Variants in WIPI2 observed in about 807,000 individuals in gnomAD.
WIPI2 encodes WD repeat domain, phosphoinositide interacting 2, also known as WD repeat domain phosphoinositide-interacting protein 2.
WIPI2 carries 28 observed loss-of-function variants against 52.3 expected under a neutral mutation model. The ratio of observed to expected loss-of-function variants is 0.54; its 90% CI spans 0.40 to 0.73. The LOEUF (loss-of-function observed/expected upper bound fraction) is 0.73. Among genes scored for constraint, WIPI2 ranks in the 30% least tolerant of loss-of-function variants. The probability of loss-of-function intolerance (pLI) is 0.00; values close to 1 mark genes in which losing one functional copy is unlikely to be tolerated. For synonymous variants in WIPI2, 268 were observed against 245.0 expected (o/e 1.09, Z -0.88); for missense variants, 506 against 602.9 (o/e 0.84, Z 1.68).
intron 3 of WIPI2, among the ~76,000 whole-genome samples, chr7:5,209,192 C>T (rs1181500355): frequency 2.0e-5 from 3 of 152,056 alleles, no homozygotes; most frequent in African/African-American, 7.2e-5. Context: ...TATGACTTTG[C>T]TAAATTCATA....
At chr7:5,204,407 C>T (rs1269496489) in intron 3 of WIPI2, among the ~76,000 whole-genome samples, 3 of 152,144 alleles carry the variant, frequency 2.0e-5, no homozygotes, top group Non-Finnish European at 2.9e-5. Context: ...TCAAAGGTTG[C>T]AGTGAGTCAA....
intron 2 of WIPI2, among the ~76,000 whole-genome samples, chr7:5,197,918 G>C (rs1034234718): frequency 6.6e-6 from 1 of 152,144 alleles, no homozygotes; most frequent in African/African-American, 2.4e-5. Flanking sequence ...AGCTGGACTT[G>C]CTTCTTGTTT....
rs1160814859 is a variant in WIPI2, at chr7:5,228,743, A to AT, written c.1121+536dup. ...AAGTTCTAACAACATATAATTTTTT[A>AT]TTTTAGAGATAGGGTCTCACCCTCG... On this transcript the variant is annotated intron_variant, in intron 11 of 12. Coordinates refer to ENST00000288828, the MANE Select transcript of WIPI2 (RefSeq NM_015610.4). 2.0e-5 allele frequency among the ~76,000 whole-genome samples: 3 copies of AT among 152,146 alleles called. No individual in the cohort carries two copies. The East Asian group carries it at 5.8e-4, about 29-fold the overall frequency.
intron 3 of WIPI2, among the ~76,000 whole-genome samples, chr7:5,202,587 T>C (rs1217562365): frequency 6.6e-6 from 1 of 152,040 alleles, no homozygotes; most frequent in Non-Finnish European, 1.5e-5. Context: ...GGTCTTACTA[T>C]GTTGCCCAGG....
intron 1 of WIPI2, among the ~76,000 whole-genome samples, chr7:5,191,806 A>T (rs910612379): frequency 6.6e-6 from 1 of 152,208 alleles, no homozygotes; most frequent in Admixed American, 6.5e-5. Context: ...TAGAATGGAC[A>T]ACACTCAGTG....
At chr7:5,209,878 A>C (rs746798609) in intron 3 of WIPI2, among the ~76,000 whole-genome samples, 1 of 151,376 alleles carries the variant, frequency 6.6e-6, no homozygotes, top group Admixed American at 6.6e-5. Flanking sequence ...CCATATTTCT[A>C]CTTCTCCAGA....
intron 3 of WIPI2, among the ~76,000 whole-genome samples, chr7:5,213,811 G>A (rs1191131803): frequency 1.3e-5 from 2 of 152,124 alleles, no homozygotes; most frequent in African/African-American, 4.8e-5. Flanking sequence ...TCAGGCTCCT[G>A]AGTAGCTGGG....
At chr7:5,222,911 A>C (rs2115302823) in intron 8 of WIPI2, 1 of 437,788 alleles carries the variant, frequency 2.3e-6, no homozygotes, top group South Asian at 2.2e-5. Context: ...AGTTGTGAAG[A>C]GCTCACGCAA....
Position 5,190,297 on chromosome 7 carries a change from C to T in WIPI2, c.-123C>T, listed in dbSNP as rs1218704811. On this transcript the variant is annotated 5_prime_UTR_variant, in exon 1 of 13. Transcript: ENST00000288828. The stretch of plus-strand genomic sequence containing the variant: ...GGACGGGATGAGGCGGCGGTTGATC[C>T]CAGGGTGGCGAGTGGCGGCGACCGA... 5 of 537,490 alleles carry T rather than the reference C, an allele frequency of 9.3e-6. No homozygotes were observed. Among genetic ancestry groups the T allele is most frequent in the African/African-American group, 8.1e-5 (4 of 49,490 alleles). The allele number at this position is 537,490 out of a possible 1,614,324, so 33.3% of individuals were successfully genotyped here.
In WIPI2 at chr7:5,193,141, C is replaced by T; in HGVS notation, c.98C>T (p.Ala33Val). The T allele has an allele frequency of 6.2e-7, 1 of 1,613,972 alleles. No homozygotes were observed. Among genetic ancestry groups the T allele is most frequent in the East Asian group, 2.2e-5 (1 of 44,880 alleles). Residue 33 changes from alanine (A) to valine (V), a missense_variant, in exon 2 of 13, where the codon GCA (alanine) becomes GTA (valine). Physicochemically the swap from Ala to Val is moderately conservative, Grantham distance 64. This residue lies in a region of WIPI2 where 60 missense variants were observed against 49.7 expected (regional missense o/e 1.21). Transcript: ENST00000288828. ...DNTEVKGASR[A>V]AGLGRRAVVW... ...AGAGAAGTGAAAGGGGCATCAAGAG[C>T]AGCTGGTCTTGGCCGTCGCGCTGTT... is the stretch of plus-strand genomic sequence containing the variant.
chr7:5,196,464 A>C (rs1297209594), intron 2 of WIPI2, among the ~76,000 whole-genome samples: 1 of 152,212 alleles, frequency 6.6e-6, no homozygotes, highest in Non-Finnish European at 1.5e-5. Context: ...ATTGGAATGC[A>C]CAGTTTTGTA....
intron 2 of WIPI2, among the ~76,000 whole-genome samples, chr7:5,198,526 C>T (rs1435011309): frequency 6.6e-6 from 1 of 152,144 alleles, no homozygotes; most frequent in African/African-American, 2.4e-5. Context: ...GTTGGCCAGG[C>T]AGGTCTCAAA....
At chr7:5,202,797 A>G (rs900407950) in intron 3 of WIPI2, among the ~76,000 whole-genome samples, 4 of 152,200 alleles carry the variant, frequency 2.6e-5, no homozygotes, top group Non-Finnish European at 2.9e-5. Context: ...TTGAATATAC[A>G]TAATGCACAA....
chr7:5,222,646 CTT>C lies in WIPI2; in HGVS notation c.716_717del (p.Phe239Ter). 1.2e-6 allele frequency: 2 copies of C among 1,614,034 alleles called. No individual in the cohort carries two copies. Among genetic ancestry groups the C allele is most frequent in the South Asian group, 1.1e-5 (1 of 91,064 alleles). ...VFSIPEGQKL[F>X]EFRRGVKRCV... ...TTTCCATTCCAGAAGGACAAAAACT[CTT>C]TGAGTTTCGGAGAGGAGTAAAGAGG... On this transcript the variant is annotated frameshift_variant, in exon 8 of 13. Coordinates refer to ENST00000288828, the MANE Select transcript of WIPI2 (RefSeq NM_015610.4). LOFTEE classifies it high-confidence loss of function.
intron 2 of WIPI2, among the ~76,000 whole-genome samples, chr7:5,194,914 C>G (rs1300959893): frequency 6.6e-6 from 1 of 152,128 alleles, no homozygotes; most frequent in Non-Finnish European, 1.5e-5. Context: ...GTTTAAACTG[C>G]AGAATCCCCT....
chr7:5,230,020 G>A lies in WIPI2; in HGVS notation c.1252+282G>A, dbSNP rs919243779. Among the ~76,000 whole-genome samples the A allele has an allele frequency of 5.5e-5, 8 of 146,738 alleles. No individual in the cohort carries two copies. Among genetic ancestry groups the A allele is most frequent in the South Asian group, 2.3e-4 (1 of 4,356 alleles). On this transcript the variant is annotated intron_variant, in intron 12 of 12. Transcript: ENST00000288828. The surrounding 1 kb of genome is among the most constrained non-coding windows in gnomAD (Gnocchi z 4.8). ...CCTCCTGGGCTCAAGTGATTCTCCC[G>A]CCTCAGCCTCCCACAGTGCTGGGAT...
In WIPI2 at chr7:5,230,871, G is replaced by T; in HGVS notation, c.1289G>T (p.Cys430Phe). ...TDDLGAVGGACLEDEASALRL... is the reference protein window; with the variant it reads ...TDDLGAVGGAFLEDEASALRL... ...GACCTGGGTGCTGTGGGTGGCGCCT[G>T]CCTGGAGGACGAGGCCAGCGCCCTG... The change falls in exon 13 of 13, where the codon TGC becomes TTC. Residue 430 changes from cysteine to phenylalanine, a missense_variant. Cys to Phe is a radical substitution (Grantham distance 205). Coordinates refer to ENST00000288828, the MANE Select transcript of WIPI2 (RefSeq NM_015610.4). This position sits in a 1 kb window ranked among gnomAD's most constrained non-coding sequence, Gnocchi z 4.8. 3 of 1,613,880 alleles carry T rather than the reference G, an allele frequency of 1.9e-6. No homozygotes were observed. The highest frequency in any genetic ancestry group is 2.5e-6 in the Non-Finnish European group (3 of 1,179,906).
chr7:5,215,589 A>G (rs553378325), intron 4 of WIPI2, among the ~76,000 whole-genome samples: 1 of 152,336 alleles, frequency 6.6e-6, no homozygotes, highest in East Asian at 1.9e-4. Context: ...TGCTGGCTGT[A>G]GAGTGGACAT....
At chr7:5,213,682 TGTTG>T (rs1012456753) in intron 3 of WIPI2, among the ~76,000 whole-genome samples, 1 of 44,752 alleles carries the variant, frequency 2.2e-5, no homozygotes, top group Admixed American at 2.5e-4. Flanking sequence ...TTGTTGTTGT[TGTTG>T]TTGTTGTTGT....
Sources: gnomAD v4.1 joint callset for allele counts (sites outside exome capture counted in the v4.1 genomes callset) on GRCh38, gnomAD v4.1.1 for gene constraint, gnomAD v4.1.1 regional missense constraint, Gnocchi (gnomAD v3.1) non-coding constraint, MANE v1.5 for transcripts, NCBI Gene and HGNC (gene_info 2026-07-23, HGNC 2026-07-21) for gene names.